The following LINGO2 variants were observed in gnomAD, a reference collection of about 807,000 sequenced individuals.
LINGO2 encodes the protein leucine-rich repeat and immunoglobulin-like domain-containing nogo receptor-interacting protein 2.
In LINGO2, 14 loss-of-function variants were observed where a neutral mutation model predicts 30.6. The observed-to-expected ratio is 0.46, with a 90% CI of 0.30 to 0.72. LINGO2 has a LOEUF of 0.72. Among genes scored for constraint, LINGO2 ranks in the 30% least tolerant of loss-of-function variants. The pLI is 0.07. For missense variants in LINGO2, 729 were observed against 751.7 expected (o/e 0.97, Z 0.35); for synonymous variants, 317 against 288.5 (o/e 1.10, Z -1.00).
the LINGO2 span, among the ~76,000 whole-genome samples, chr9:29,140,000 A>T: frequency 6.6e-6 from 1 of 152,230 alleles, no homozygotes; most frequent in South Asian, 2.1e-4. Context: ...CTCTATTGAA[A>T]TTTACATGCA....
chr9:28,299,177 C>G (rs1193723844), intron 3 of LINGO2, among the ~76,000 whole-genome samples: 1 of 152,122 alleles, frequency 6.6e-6, no homozygotes, highest in African/African-American at 2.4e-5. Flanking sequence ...GCCAACAGAA[C>G]TATAAGAGTA....
At chr9:28,720,416 C>T in the LINGO2 span, among the ~76,000 whole-genome samples, 2 of 152,058 alleles carry the variant, frequency 1.3e-5, no homozygotes, top group African/African-American at 2.4e-5. Context: ...TTGCACAACA[C>T]TGTATTACAA....
At chr9:28,764,026 G>GA in the LINGO2 span, among the ~76,000 whole-genome samples, 1 of 151,406 alleles carries the variant, frequency 6.6e-6, no homozygotes, top group Non-Finnish European at 1.5e-5. Flanking sequence ...AATTAGTAAT[G>GA]AAAAACCTCC....
intron 5 of LINGO2, among the ~76,000 whole-genome samples, chr9:27,968,296 C>A (rs539796513): frequency 1.3e-5 from 2 of 152,060 alleles, no homozygotes; most frequent in South Asian, 4.1e-4. Flanking sequence ...TATTGAAATA[C>A]TGAAAAAACA....
intron 1 of LINGO2, among the ~76,000 whole-genome samples, chr9:28,481,739 C>T (rs936594671): frequency 9.2e-5 from 14 of 152,074 alleles, no homozygotes; most frequent in African/African-American, 3.4e-4. Context: ...CATCATCTAG[C>T]ATTAGGTATA....
chr9:28,088,063 G>A (rs1411991397), intron 4 of LINGO2, among the ~76,000 whole-genome samples: 2 of 152,000 alleles, frequency 1.3e-5, no homozygotes, highest in Non-Finnish European at 2.9e-5. Flanking sequence ...AGTTCAAATC[G>A]TGGCTCTGCC....
intron 1 of LINGO2, among the ~76,000 whole-genome samples, chr9:28,528,483 T>C (rs1245524829): frequency 6.6e-6 from 1 of 152,186 alleles, no homozygotes; most frequent in Non-Finnish European, 1.5e-5. Flanking sequence ...CTTTCTCAGC[T>C]GGAATCTGAA....
At chr9:28,762,619 A>C in the LINGO2 span, among the ~76,000 whole-genome samples, 134,417 of 151,962 alleles carry the variant, frequency 0.88, 59,636 homozygotes, top group Middle Eastern at 0.93. Context: ...CCCCTTGGAC[A>C]CTTGCTGCTG....
At chr9:29,123,152 A>T in the LINGO2 span, among the ~76,000 whole-genome samples, 2 of 152,100 alleles carry the variant, frequency 1.3e-5, no homozygotes, top group Non-Finnish European at 2.9e-5. Flanking sequence ...GGAGAAGGCA[A>T]TGTAGACTAA....
the LINGO2 span, among the ~76,000 whole-genome samples, chr9:29,023,471 G>A: frequency 0.046 from 7,006 of 152,008 alleles, 225 homozygotes; most frequent in East Asian, 0.1. Context: ...AATGAATGCT[G>A]TAGTCATTGA....
At chr9:28,829,100 G>C in the LINGO2 span, among the ~76,000 whole-genome samples, 2 of 152,162 alleles carry the variant, frequency 1.3e-5, no homozygotes, top group African/African-American at 2.4e-5. Context: ...GAGAGAAGAA[G>C]CTGTTGAACG....
chr9:28,953,479 A>G, the LINGO2 span, among the ~76,000 whole-genome samples: 2 of 152,198 alleles, frequency 1.3e-5, no homozygotes, highest in South Asian at 4.1e-4. Flanking sequence ...ATAAAAATAA[A>G]CCCATAAAAC....
the LINGO2 span, among the ~76,000 whole-genome samples, chr9:28,975,377 T>C: frequency 6.6e-6 from 1 of 152,172 alleles, no homozygotes; most frequent in African/African-American, 2.4e-5. Flanking sequence ...TAATGTAATA[T>C]AAATCCAGGA....
At chr9:28,532,072 T>C (rs1821255418) in intron 1 of LINGO2, among the ~76,000 whole-genome samples, 1 of 152,130 alleles carries the variant, frequency 6.6e-6, no homozygotes, top group South Asian at 2.1e-4. Context: ...ATGAGGCAAG[T>C]ATAAGTAACA....
the LINGO2 span, among the ~76,000 whole-genome samples, chr9:29,046,889 G>A: frequency 7.0e-6 from 1 of 141,896 alleles, no homozygotes; most frequent in Non-Finnish European, 1.5e-5. Flanking sequence ...GACCAGCCTG[G>A]TCAACATGGT....
chr9:28,027,734 A>G (rs1201781921), intron 4 of LINGO2, among the ~76,000 whole-genome samples: 1 of 152,196 alleles, frequency 6.6e-6, no homozygotes, highest in Admixed American at 6.5e-5. Flanking sequence ...ATTTAGCACA[A>G]TGAAACACGT....
At chr9:28,267,659 T>A (rs1476743645) in intron 4 of LINGO2, among the ~76,000 whole-genome samples, 3 of 152,022 alleles carry the variant, frequency 2.0e-5, no homozygotes, top group Non-Finnish European at 4.4e-5. Context: ...TGAGCCCAGC[T>A]TCAACTCAAT....
At chr9:28,332,856 A>C (rs1441863855) in intron 3 of LINGO2, among the ~76,000 whole-genome samples, 1 of 152,184 alleles carries the variant, frequency 6.6e-6, no homozygotes, top group Non-Finnish European at 1.5e-5. Flanking sequence ...AGCACATATC[A>C]GCGTGGGGAT....
intron 5 of LINGO2, among the ~76,000 whole-genome samples, chr9:27,953,548 G>T (rs1016462537): frequency 6.6e-6 from 1 of 151,948 alleles, no homozygotes; most frequent in East Asian, 1.9e-4. Flanking sequence ...AATAGTGGGG[G>T]TGGTTATCCC....
Sources: gnomAD v4.1 joint callset for allele counts (sites outside exome capture counted in the v4.1 genomes callset) on GRCh38, gnomAD v4.1.1 for gene constraint, MANE v1.5 for transcripts, NCBI Gene and HGNC (gene_info 2026-07-23, HGNC 2026-07-21) for gene names.